The following UNC5D variants were observed in gnomAD, a reference collection of about 807,000 sequenced individuals.
The protein encoded by UNC5D is netrin receptor UNC5D.
Under a neutral mutation model 105.4 loss-of-function variants are expected in UNC5D, and 39 were observed. The ratio of observed to expected loss-of-function variants is 0.37; its 90% CI spans 0.29 to 0.48. The LOEUF (loss-of-function observed/expected upper bound fraction) is 0.48. Ranked by LOEUF, UNC5D falls within the 20% of genes least tolerant of loss-of-function variation. UNC5D has a pLI of 0.98. For synonymous variants in UNC5D, 452 were observed against 450.4 expected (o/e 1.00, Z -0.04); for missense variants, 991 against 1,202.4 (o/e 0.82, Z 2.60).
At chr8:35,479,640 A>G (rs749503308) in intron 1 of UNC5D, among the ~76,000 whole-genome samples, 3 of 152,182 alleles carry the variant, frequency 2.0e-5, no homozygotes, top group Non-Finnish European at 4.4e-5. Flanking sequence ...TGTGTGCAAC[A>G]ACATGGATGT....
intron 11 of UNC5D, among the ~76,000 whole-genome samples, chr8:35,745,531 C>T (rs959441607): frequency 9.9e-5 from 15 of 152,148 alleles, no homozygotes; most frequent in African/African-American, 3.1e-4. Flanking sequence ...TAAGTCAAAG[C>T]GTACACTGAT....
intron 15 of UNC5D, among the ~76,000 whole-genome samples, chr8:35,768,055 T>A (rs1801851867): frequency 6.6e-6 from 1 of 151,216 alleles, no homozygotes; most frequent in African/African-American, 2.4e-5. Context: ...TTTATAAATT[T>A]AGGCTTGGCA....
chr8:35,721,739 G>T (rs1395999359), intron 8 of UNC5D, among the ~76,000 whole-genome samples: 1 of 152,154 alleles, frequency 6.6e-6, no homozygotes, highest in African/African-American at 2.4e-5. Flanking sequence ...AATAGACTTT[G>T]TGTTATCTCC....
At chr8:35,591,405 A>G (rs1206846701) in intron 3 of UNC5D, among the ~76,000 whole-genome samples, 1 of 152,140 alleles carries the variant, frequency 6.6e-6, no homozygotes, top group Admixed American at 6.6e-5. Context: ...TTTTATTAAT[A>G]TTGTTAAAAT....
chr8:35,669,696 G>A (rs1028432772), intron 4 of UNC5D, among the ~76,000 whole-genome samples: 1 of 151,988 alleles, frequency 6.6e-6, no homozygotes, highest in Non-Finnish European at 1.5e-5. Context: ...TCTTTTAAAT[G>A]TAATATTATT....
intron 1 of UNC5D, among the ~76,000 whole-genome samples, chr8:35,241,233 G>A (rs576259355): frequency 2.2e-4 from 34 of 152,330 alleles, no homozygotes; most frequent in African/African-American, 7.9e-4. Context: ...ACTTTTAATT[G>A]TTTGTGCCAC....
chr8:35,307,540 TGAGGA>T (rs1384302899), intron 1 of UNC5D, among the ~76,000 whole-genome samples: 1 of 152,054 alleles, frequency 6.6e-6, no homozygotes, highest in Non-Finnish European at 1.5e-5. Context: ...TTTGGTTAAG[TGAGGA>T]GAGGCTCAAG....
At chr8:35,627,617 A>G (rs1821765748) in intron 4 of UNC5D, among the ~76,000 whole-genome samples, 1 of 152,140 alleles carries the variant, frequency 6.6e-6, no homozygotes, top group African/African-American at 2.4e-5. Context: ...TCCCCAGTTG[A>G]CAGTACTGTT....
chr8:35,330,702 C>G (rs137951016), intron 1 of UNC5D, among the ~76,000 whole-genome samples: 16 of 152,190 alleles, frequency 1.1e-4, no homozygotes, highest in Admixed American at 6.5e-4. Flanking sequence ...TATGAACGAG[C>G]CTGACTTTGA....
chr8:35,687,441 C>CAAAA (rs34104800), intron 7 of UNC5D, among the ~76,000 whole-genome samples: 20 of 53,096 alleles, frequency 3.8e-4, no homozygotes, highest in African/African-American at 1.3e-3. Context: ...GACTCCGTCT[C>CAAAA]AAAAAAAAAA....
At chr8:35,641,812 A>G (rs753239505) in intron 4 of UNC5D, among the ~76,000 whole-genome samples, 4 of 152,150 alleles carry the variant, frequency 2.6e-5, no homozygotes, top group South Asian at 2.1e-4. Flanking sequence ...TTCAAACTCC[A>G]GGTTCAAAGA....
At chr8:35,726,099 G>C in intron 9 of UNC5D, 53 bp from the exon 10 acceptor site, 1 of 1,561,074 alleles carries the variant, frequency 6.4e-7, no homozygotes. Context: ...AAGTACAGGA[G>C]TAACTGAGAT....
intron 3 of UNC5D, among the ~76,000 whole-genome samples, chr8:35,581,487 G>A (rs976018730): frequency 6.6e-5 from 10 of 152,134 alleles, no homozygotes; most frequent in Non-Finnish European, 1.2e-4. Flanking sequence ...AGGAAGTGGG[G>A]ATAGTTAATG....
At chr8:35,470,425 A>T (rs1254289920) in intron 1 of UNC5D, among the ~76,000 whole-genome samples, 1 of 151,954 alleles carries the variant, frequency 6.6e-6, no homozygotes, top group Non-Finnish European at 1.5e-5. Context: ...ATGGTCTAGC[A>T]GGGGAAGGAA....
intron 3 of UNC5D, among the ~76,000 whole-genome samples, chr8:35,572,953 G>A (rs1281283424): frequency 2.0e-5 from 3 of 152,020 alleles, no homozygotes; most frequent in Admixed American, 6.6e-5. Flanking sequence ...ACAGGCGCCC[G>A]CCACCACGCC....
At chr8:35,303,682 C>T (rs753553187) in intron 1 of UNC5D, among the ~76,000 whole-genome samples, 63 of 152,078 alleles carry the variant, frequency 4.1e-4, no homozygotes, top group Non-Finnish European at 1.6e-4. Flanking sequence ...TTAATGGGCT[C>T]GAATGCCTAA....
chr8:35,246,746 T>A lies in UNC5D; in HGVS notation c.103+10859T>A, dbSNP rs186416997. On this transcript the variant is annotated intron_variant, in intron 1 of 16. Coordinates refer to ENST00000404895, the MANE Select transcript of UNC5D (RefSeq NM_080872.4). ...AATCAATGACTTGGTCATGTTTTGTTAAGAGATTTAAAGAATCAGGGAGCC... is the reference window on the plus strand; with the variant it reads ...AATCAATGACTTGGTCATGTTTTGTAAAGAGATTTAAAGAATCAGGGAGCC... 3.0e-3 allele frequency among the ~76,000 whole-genome samples: 452 copies of A among 152,256 alleles called. 3 individuals carry two copies. The highest frequency in any genetic ancestry group is 0.01 in the African/African-American group (433 of 41,542).
chr8:35,275,366 A>G (rs1366508600), intron 1 of UNC5D, among the ~76,000 whole-genome samples: 1 of 152,002 alleles, frequency 6.6e-6, no homozygotes. Context: ...ATGTGTCCTA[A>G]TGTCAGGTAA....
chr8:35,700,910 A>G (rs529977850), intron 7 of UNC5D, among the ~76,000 whole-genome samples: 1 of 152,360 alleles, frequency 6.6e-6, no homozygotes, highest in East Asian at 1.9e-4. Context: ...TACAAAAGGC[A>G]GACTATTCTA....
Sources: gnomAD v4.1 joint callset for allele counts (sites outside exome capture counted in the v4.1 genomes callset) on GRCh38, gnomAD v4.1.1 for gene constraint, MANE v1.5 for transcripts, NCBI Gene and HGNC (gene_info 2026-07-23, HGNC 2026-07-21) for gene names.